FBXW11: variants seen among roughly 807,000 people sequenced by gnomAD.
The protein encoded by FBXW11 is F-box and WD repeat domain containing 11.
Under a neutral mutation model 77.6 loss-of-function variants are expected in FBXW11, and 19 were observed. That is an observed-to-expected ratio of 0.24 (90% confidence interval 0.17 to 0.36). The LOEUF is 0.36. Ranked by LOEUF, FBXW11 falls within the 10% of genes least tolerant of loss-of-function variation. The pLI, the probability that FBXW11 is intolerant of heterozygous loss-of-function variation, is 1.00. For synonymous variants in FBXW11, 235 were observed against 249.4 expected, an observed-to-expected ratio of 0.94 and a Z score of 0.54; for missense variants, 334 against 704.2, an observed-to-expected ratio of 0.47 and a Z score of 5.95.
intron 2 of FBXW11, among the ~76,000 whole-genome samples, chr5:171,945,198 T>G (rs1762945710): frequency 6.6e-6 from 1 of 152,234 alleles, no homozygotes; most frequent in Non-Finnish European, 1.5e-5. Flanking sequence ...TATTTTCAAT[T>G]GGGTGGTCAG....
rs555038046 is a variant in FBXW11, at chr5:171,876,993, C to A, written c.972-459G>T. On this transcript the variant is annotated intron_variant, in intron 8 of 13. Coordinates refer to ENST00000517395, the MANE Select transcript of FBXW11 (RefSeq NM_001378974.1). This position sits in a 1 kb window ranked among gnomAD's most constrained non-coding sequence, Gnocchi z 4.2. ...ATACACCCCTTTTCTTTATAAATTA[C>A]CCAGCCTCGGGTATTCCTTTATAGC... 5.3e-5 allele frequency among the ~76,000 whole-genome samples: 8 copies of A among 152,256 alleles called. No individual in the cohort carries two copies. Among genetic ancestry groups the A allele is most frequent in the South Asian group, 4.1e-4 (2 of 4,826 alleles).
At chr5:171,994,426 G>A (rs868868459) in intron 1 of FBXW11, among the ~76,000 whole-genome samples, 4 of 152,070 alleles carry the variant, frequency 2.6e-5, no homozygotes, top group Non-Finnish European at 4.4e-5. Context: ...AATCCAAAAC[G>A]TTTTGAGTGC....
At chr5:171,902,875 G>A (rs1760226273) in intron 4 of FBXW11, among the ~76,000 whole-genome samples, 1 of 152,118 alleles carries the variant, frequency 6.6e-6, no homozygotes, top group South Asian at 2.1e-4. Flanking sequence ...GCTAACCTTT[G>A]TTTTAAAGCC....
chr5:171,990,138 G>C (rs945191464), intron 1 of FBXW11, among the ~76,000 whole-genome samples: 1 of 150,530 alleles, frequency 6.6e-6, no homozygotes, highest in Non-Finnish European at 1.5e-5. Context: ...GGGAAGGAGG[G>C]AAGAAGGGGA....
chr5:171,934,905 T>C (rs958784898), intron 2 of FBXW11, among the ~76,000 whole-genome samples: 4 of 152,020 alleles, frequency 2.6e-5, no homozygotes, highest in Non-Finnish European at 2.9e-5. Flanking sequence ...TAGGGTTGGA[T>C]GGGTGAGGGA....
At chr5:171,889,104 A>T (rs1355093639) in intron 7 of FBXW11, among the ~76,000 whole-genome samples, 1 of 152,240 alleles carries the variant, frequency 6.6e-6, no homozygotes, top group Non-Finnish European at 1.5e-5. Context: ...TAATGGCTGA[A>T]GACTTCTGAA....
At chr5:171,878,369 T>G (rs752890952) in intron 7 of FBXW11, among the ~76,000 whole-genome samples, 1 of 152,186 alleles carries the variant, frequency 6.6e-6, no homozygotes, top group East Asian at 1.9e-4. Context: ...CTCAGTATAC[T>G]TATCAACAGC....
chr5:171,913,818 T>TACAC lies in FBXW11; in HGVS notation c.210+521_210+524dup, dbSNP rs1161644281. ...CCCCAAACCCCCAACCACACACACA[T>TACAC]ACACACACACACACACACACACACA... On this transcript the variant is annotated intron_variant, in intron 3 of 13. Coordinates refer to ENST00000517395, the MANE Select transcript of FBXW11 (RefSeq NM_001378974.1). 7.4e-3 allele frequency among the ~76,000 whole-genome samples: 482 copies of TACAC among 65,288 alleles called. 19 individuals carry two copies. Among genetic ancestry groups the TACAC allele is most frequent in the South Asian group, 0.026 (50 of 1,924 alleles). 42.8% of individuals were successfully genotyped at this position (65,288 alleles called of 152,430 possible). A position where few individuals can be genotyped will look rare whatever the true frequency, so the allele number is the denominator to read the frequency against.
chr5:171,875,745 C>A (rs918908467), intron 9 of FBXW11, among the ~76,000 whole-genome samples: 1 of 152,138 alleles, frequency 6.6e-6, no homozygotes, highest in Non-Finnish European at 1.5e-5. Flanking sequence ...TCTGCCTCCC[C>A]CTTCACCGCA....
At chr5:171,889,218 GTTGGACTT>G (rs1489018399) in intron 7 of FBXW11, among the ~76,000 whole-genome samples, 1 of 152,152 alleles carries the variant, frequency 6.6e-6, no homozygotes, top group East Asian at 1.9e-4. Context: ...AAACTGGTAA[GTTGGACTT>G]CATCAAAATT....
intron 1 of FBXW11, among the ~76,000 whole-genome samples, chr5:172,000,346 C>T (rs1187077428): frequency 6.6e-6 from 1 of 152,212 alleles, no homozygotes; most frequent in African/African-American, 2.4e-5. Flanking sequence ...CAGTCTCTTT[C>T]TGTCAGGATA....
intron 1 of FBXW11, among the ~76,000 whole-genome samples, chr5:171,987,512 A>C (rs985634404): frequency 2.0e-5 from 3 of 151,982 alleles, no homozygotes; most frequent in African/African-American, 2.4e-5. Flanking sequence ...GTGCAGTGGC[A>C]CAATCTCAGC....
chr5:171,898,199 C>T (rs564799909), intron 6 of FBXW11, among the ~76,000 whole-genome samples: 2 of 152,144 alleles, frequency 1.3e-5, no homozygotes, highest in Non-Finnish European at 2.9e-5. Context: ...GGCACAATAA[C>T]TTTTATGTCT....
intron 1 of FBXW11, among the ~76,000 whole-genome samples, chr5:171,987,449 T>G (rs558353008): frequency 3.2e-4 from 48 of 152,140 alleles, no homozygotes; most frequent in African/African-American, 7.5e-4. Flanking sequence ...TTTGGGTTTT[T>G]TTTGTTTGTT....
chr5:171,872,519 C>G (rs1335610669), intron 10 of FBXW11, among the ~76,000 whole-genome samples: 1 of 152,208 alleles, frequency 6.6e-6, no homozygotes, highest in Admixed American at 6.5e-5. Flanking sequence ...ATAAAGTACA[C>G]TCCCATGTGT....
In FBXW11 at chr5:171,869,914, C is replaced by T. The variant is rs964083554; in HGVS notation, c.1452-107G>A. ...CATCTGAACTGCCTATTTATAAAAG[C>T]TAATGGGGAACATGCTTATGTTTTT... On this transcript the variant is annotated intron_variant, in intron 11 of 13. Transcript: ENST00000517395. This position sits in a 1 kb window ranked among gnomAD's most constrained non-coding sequence, Gnocchi z 4.1. 7.0e-6 allele frequency: 4 copies of T among 571,820 alleles called. No individual in the cohort carries two copies. Among genetic ancestry groups the T allele is most frequent in the Middle Eastern group, 3.9e-4 (1 of 2,568 alleles). The allele number at this position is 571,820 out of a possible 1,614,324, so 35.4% of individuals were successfully genotyped here. A position where few individuals can be genotyped will look rare whatever the true frequency, so the allele number is the denominator to read the frequency against.
intron 2 of FBXW11, among the ~76,000 whole-genome samples, chr5:171,954,787 C>T (rs546306686): frequency 6.6e-6 from 1 of 152,130 alleles, no homozygotes; most frequent in Admixed American, 6.5e-5. Context: ...GCAGGTTTTT[C>T]TTTTCTTATT....
chr5:171,870,395 AC>A (rs1757684169), intron 11 of FBXW11, among the ~76,000 whole-genome samples: 2 of 152,106 alleles, frequency 1.3e-5, no homozygotes, highest in South Asian at 4.2e-4. Flanking sequence ...ACGAACACAC[AC>A]ACACACACAC....
intron 4 of FBXW11, among the ~76,000 whole-genome samples, chr5:171,903,873 A>G (rs889189722): frequency 6.6e-6 from 1 of 152,196 alleles, no homozygotes; most frequent in African/African-American, 2.4e-5. Flanking sequence ...GGCTGAGAAC[A>G]TAGCCACTTT....
Sources: gnomAD v4.1 joint callset for allele counts (sites outside exome capture counted in the v4.1 genomes callset) on GRCh38, gnomAD v4.1.1 for gene constraint, Gnocchi (gnomAD v3.1) non-coding constraint, MANE v1.5 for transcripts, NCBI Gene and HGNC (gene_info 2026-07-23, HGNC 2026-07-21) for gene names.